RBM20: variants seen among roughly 807,000 people sequenced by gnomAD.
RBM20 encodes RNA binding motif protein 20, also known as RNA-binding protein 20.
A neutral mutation model predicts 110.1 loss-of-function variants in RBM20; 51 were observed. The observed-to-expected ratio is 0.46, with a 90% confidence interval of 0.37 to 0.59. The LOEUF is 0.59. Ranked by LOEUF, RBM20 falls within the 20% of genes least tolerant of loss-of-function variation. RBM20 has a pLI of 0.00. For missense variants in RBM20, 1,512 were observed against 1,574.9 expected, an observed-to-expected ratio of 0.96 and a Z score of 0.68; for synonymous variants, 589 against 618.2, an observed-to-expected ratio of 0.95 and a Z score of 0.70.
intron 1 of RBM20, among the ~76,000 whole-genome samples, chr10:110,646,510 A>G (rs1861869844): frequency 6.6e-6 from 1 of 152,158 alleles, no homozygotes; most frequent in South Asian, 2.1e-4. Context: ...CTTGCTTTAC[A>G]TTGGTGACGG....
intron 1 of RBM20, among the ~76,000 whole-genome samples, chr10:110,710,350 C>T (rs750428604): frequency 6.6e-5 from 10 of 152,232 alleles, no homozygotes; most frequent in African/African-American, 2.2e-4. Flanking sequence ...GTAGCATATA[C>T]TGTGTGCTCG....
Position 110,680,535 on chromosome 10 carries a change from G to A in RBM20, c.191+35890G>A, listed in dbSNP as rs190599287. Among the ~76,000 whole-genome samples, 6 of 152,252 alleles carry A rather than the reference G, an allele frequency of 3.9e-5. No individual in the cohort carries two copies. The East Asian group carries it at 7.7e-4, about 20-fold the overall frequency. On this transcript the variant is annotated intron_variant, in intron 1 of 13. Coordinates refer to ENST00000369519, the MANE Select transcript of RBM20 (RefSeq NM_001134363.3). ...CTGGGCTGGCATGATGGATGGCCTC[G>A]GGCTGCTGGGTTGTGTGTTCAGTGG... is the stretch of plus-strand genomic sequence containing the variant.
intron 9 of RBM20, among the ~76,000 whole-genome samples, chr10:110,814,713 C>T (rs1468430513): frequency 6.6e-6 from 1 of 152,196 alleles, no homozygotes; most frequent in Non-Finnish European, 1.5e-5. Flanking sequence ...TCAGGCTGGT[C>T]TCGAACTGCT....
chr10:110,689,807 G>A (rs1237932043), intron 1 of RBM20, among the ~76,000 whole-genome samples: 2 of 152,238 alleles, frequency 1.3e-5, no homozygotes, highest in African/African-American at 4.8e-5. Flanking sequence ...CTATTTCTTG[G>A]TATTCTTCAT....
At chr10:110,743,363 G>A (rs1443331617) in intron 1 of RBM20, among the ~76,000 whole-genome samples, 2 of 151,958 alleles carry the variant, frequency 1.3e-5, no homozygotes, top group East Asian at 1.9e-4. Flanking sequence ...GGCTAACTGG[G>A]GTTATTTTTT....
intron 3 of RBM20, 67 bp downstream of exon 3, chr10:110,783,494 G>C: frequency 7.9e-7 from 1 of 1,268,730 alleles, no homozygotes; most frequent in Non-Finnish European, 1.1e-6. Context: ...CATTTACTGT[G>C]TGTCACACGC....
rs918644510 is a variant in RBM20, at chr10:110,837,627, T to C, written c.*1649T>C. ...AGAGCATACTGTACATTCTGTCCTCTGTACTAATGGAGGAAGGGCAGAGAG... is the reference window on the plus strand; with the variant it reads ...AGAGCATACTGTACATTCTGTCCTCCGTACTAATGGAGGAAGGGCAGAGAG... On this transcript the variant is annotated 3_prime_UTR_variant, in exon 14 of 14. Coordinates refer to ENST00000369519, the MANE Select transcript of RBM20 (RefSeq NM_001134363.3). 2 of 152,236 alleles carry C rather than the reference T, an allele frequency of 1.3e-5. No individual in the cohort carries two copies. The highest frequency in any genetic ancestry group is 2.9e-5 in the Non-Finnish European group (2 of 68,076). The allele number at this position is 152,236 out of a possible 1,614,324, so 9.4% of individuals were successfully genotyped here. A position where few individuals can be genotyped will look rare whatever the true frequency, so the allele number is the denominator to read the frequency against.
At chr10:110,762,981 T>C (rs1257089046) in intron 1 of RBM20, among the ~76,000 whole-genome samples, 1 of 152,228 alleles carries the variant, frequency 6.6e-6, no homozygotes, top group East Asian at 1.9e-4. Flanking sequence ...ACGGCCAGGC[T>C]GGCTGGTTCC....
At chr10:110,765,211 A>G (rs1301298440) in intron 1 of RBM20, among the ~76,000 whole-genome samples, 1 of 152,168 alleles carries the variant, frequency 6.6e-6, no homozygotes, top group Non-Finnish European at 1.5e-5. Flanking sequence ...ATGCATTCAG[A>G]ATCCCAAAAC....
chr10:110,727,143 CTTTTTTTTTT>C (rs57606079), intron 1 of RBM20, among the ~76,000 whole-genome samples: 2 of 80,656 alleles, frequency 2.5e-5, no homozygotes, highest in African/African-American at 1.1e-4. Context: ...TGCACCCAGC[CTTTTTTTTTT>C]TTTTTTTTTT....
At chr10:110,689,753 G>C (rs1480947515) in intron 1 of RBM20, among the ~76,000 whole-genome samples, 1 of 152,140 alleles carries the variant, frequency 6.6e-6, no homozygotes, top group African/African-American at 2.4e-5. Flanking sequence ...GTGACAATTG[G>C]CATAGAGTAT....
Position 110,812,255 on chromosome 10 carries a change from CCTG to C in RBM20, c.1881-20_1881-18del. 1 of 1,521,608 alleles carries C rather than the reference CCTG, an allele frequency of 6.6e-7. No homozygotes were observed. The highest frequency in any genetic ancestry group is 1.2e-5 in the South Asian group (1 of 80,674). 94.3% of individuals were successfully genotyped at this position (1,521,608 alleles called of 1,614,324 possible). A position where few individuals can be genotyped will look rare whatever the true frequency, so the allele number is the denominator to read the frequency against. The stretch of plus-strand genomic sequence containing the variant: ...GATGGGAGGTGTGAAGATTCTAAAT[CCTG>C]CTCCTTGGCTCCCTCACAGATATGG... On this transcript the variant is annotated intron_variant, in intron 8 of 13. Transcript: ENST00000369519.
At chr10:110,649,587 T>C (rs149444300) in intron 1 of RBM20, among the ~76,000 whole-genome samples, 172 of 152,312 alleles carry the variant, frequency 1.1e-3, no homozygotes, top group Admixed American at 9.0e-3. Flanking sequence ...CACCACAAAA[T>C]CCTACTTAAT....
intron 5 of RBM20, among the ~76,000 whole-genome samples, chr10:110,790,523 A>G (rs1844470970): frequency 6.6e-6 from 1 of 152,254 alleles, no homozygotes; most frequent in Non-Finnish European, 1.5e-5. Context: ...AGAAAAGTCA[A>G]CTTTGCAGAG....
rs1432704955 is a variant in RBM20, at chr10:110,781,281, T to A, written c.672T>A (p.Ala224=). The A allele has an allele frequency of 6.4e-7, 1 of 1,551,700 alleles. No individual in the cohort carries two copies. Among genetic ancestry groups the A allele is most frequent in the Non-Finnish European group, 8.7e-7 (1 of 1,146,984 alleles). ...LGIGKTGPAP[A]TAGFYEYGKA... is the part of the protein sequence containing the mutation. ...TTGGCAAGACTGGGCCTGCTCCAGCTACAGCAGGATTCTATGAGTATGGCA... is the reference window on the plus strand; with the variant it reads ...TTGGCAAGACTGGGCCTGCTCCAGCAACAGCAGGATTCTATGAGTATGGCA... The change falls in exon 2 of 14, where the codon GCT becomes GCA. Residue 224 remains alanine (A), a synonymous_variant. Coordinates refer to ENST00000369519, the MANE Select transcript of RBM20 (RefSeq NM_001134363.3).
intron 1 of RBM20, among the ~76,000 whole-genome samples, chr10:110,704,204 G>T (rs767662808): frequency 1.3e-4 from 20 of 152,226 alleles, no homozygotes; most frequent in Non-Finnish European, 2.5e-4. Context: ...ATTTATCTAA[G>T]TTTTTGAGTG....
intron 1 of RBM20, among the ~76,000 whole-genome samples, chr10:110,696,203 C>T (rs1233641680): frequency 6.6e-6 from 1 of 152,188 alleles, no homozygotes; most frequent in Admixed American, 6.5e-5. Flanking sequence ...TATTTCCTCT[C>T]CTCAGTAGGA....
intron 1 of RBM20, among the ~76,000 whole-genome samples, chr10:110,693,049 G>C (rs1389287259): frequency 1.3e-5 from 2 of 150,654 alleles, no homozygotes; most frequent in African/African-American, 4.8e-5. Flanking sequence ...TTTTGTTAAT[G>C]TGGTATATTA....
chr10:110,754,355 C>G (rs1843896135), intron 1 of RBM20, among the ~76,000 whole-genome samples: 1 of 152,184 alleles, frequency 6.6e-6, no homozygotes, highest in African/African-American at 2.4e-5. Flanking sequence ...TTGGGATTCT[C>G]TGGTCTTTTG....
Sources: gnomAD v4.1 joint callset for allele counts (sites outside exome capture counted in the v4.1 genomes callset) on GRCh38, gnomAD v4.1.1 for gene constraint, MANE v1.5 for transcripts, NCBI Gene and HGNC (gene_info 2026-07-23, HGNC 2026-07-21) for gene names.